OTOGL: variants seen among roughly 807,000 people sequenced by gnomAD.
OTOGL encodes the protein otogelin-like protein.
A neutral mutation model predicts 318.5 loss-of-function variants in OTOGL; 285 were observed. The observed-to-expected ratio is 0.89, with a 90% confidence interval of 0.81 to 0.99. The LOEUF is 0.99. Ranked by LOEUF, OTOGL falls within the 50% of genes least tolerant of loss-of-function variation. The pLI is 0.00. For missense variants in OTOGL, 2,899 were observed against 2,845.6 expected, an observed-to-expected ratio of 1.02 and a Z score of -0.43; for synonymous variants, 987 against 936.5, an observed-to-expected ratio of 1.05 and a Z score of -0.99.
intron 38 of OTOGL, 50 bp from the exon 39 acceptor site, chr12:80,335,913 A>C: frequency 7.0e-7 from 1 of 1,428,628 alleles, no homozygotes; most frequent in South Asian, 1.5e-5. Context: ...AAATCAATTA[A>C]AAACATTAGC....
At chr12:80,127,578 T>C (rs894090681) in intron 1 of OTOGL, among the ~76,000 whole-genome samples, 2 of 152,216 alleles carry the variant, frequency 1.3e-5, no homozygotes, top group African/African-American at 4.8e-5. Context: ...TGAATCTGAA[T>C]GTTGGCCTGC....
chr12:80,215,462 C>T (rs1388345471), intron 4 of OTOGL, among the ~76,000 whole-genome samples: 2 of 152,126 alleles, frequency 1.3e-5, no homozygotes, highest in African/African-American at 4.8e-5. Flanking sequence ...CCACCGCGCC[C>T]GGCCTGCATG....
At chr12:80,123,638 G>C (rs2137103628) in intron 1 of OTOGL, among the ~76,000 whole-genome samples, 1 of 152,244 alleles carries the variant, frequency 6.6e-6, no homozygotes, top group East Asian at 1.9e-4. Flanking sequence ...GGTTGAACTA[G>C]TTTATAGTCC....
intron 44 of OTOGL, among the ~76,000 whole-genome samples, chr12:80,342,977 G>A (rs1316155432): frequency 1.3e-5 from 2 of 152,086 alleles, no homozygotes; most frequent in Non-Finnish European, 2.9e-5. Context: ...TGCCTCCCAG[G>A]TTCAAGTGAT....
At chr12:80,252,683 AC>A (rs1881679755) in intron 13 of OTOGL, among the ~76,000 whole-genome samples, 1 of 152,162 alleles carries the variant, frequency 6.6e-6, no homozygotes, top group South Asian at 2.1e-4. Context: ...ATTTACTCAA[AC>A]CCTTTTTATT....
chr12:80,205,230 T>C (rs1440050865), intron 1 of OTOGL, among the ~76,000 whole-genome samples: 3 of 152,194 alleles, frequency 2.0e-5, no homozygotes, highest in Non-Finnish European at 4.4e-5. Context: ...TTGTAGTAGT[T>C]CAGAGAATGA....
At chr12:80,220,794 T>C (rs1878245503) in intron 6 of OTOGL, among the ~76,000 whole-genome samples, 1 of 152,060 alleles carries the variant, frequency 6.6e-6, no homozygotes, top group African/African-American at 2.4e-5. Flanking sequence ...GGCTGCAGTC[T>C]AGAGAAGGTG....
chr12:80,363,303 G>C (rs570850814), intron 52 of OTOGL, among the ~76,000 whole-genome samples: 1 of 152,312 alleles, frequency 6.6e-6, no homozygotes, highest in South Asian at 2.1e-4. Context: ...GATGGAAAGA[G>C]TCCTGTATAG....
intron 35 of OTOGL, among the ~76,000 whole-genome samples, chr12:80,324,918 A>G (rs953250973): frequency 1.3e-5 from 2 of 152,194 alleles, no homozygotes; most frequent in African/African-American, 4.8e-5. Flanking sequence ...AGTTCGGAGG[A>G]AAGGTCAGGA....
intron 1 of OTOGL, among the ~76,000 whole-genome samples, chr12:80,149,736 AC>A (rs1872654663): frequency 6.6e-6 from 1 of 152,142 alleles, no homozygotes; most frequent in South Asian, 2.1e-4. Context: ...TGGGCGTAGG[AC>A]CCTCCAAGCC....
chr12:80,234,979 T>C (rs1879705854), intron 9 of OTOGL, among the ~76,000 whole-genome samples: 1 of 152,152 alleles, frequency 6.6e-6, no homozygotes, highest in African/African-American at 2.4e-5. Flanking sequence ...AAATGGTGTT[T>C]TGCACCCAGT....
chr12:80,105,726 T>A (rs1869415809), intron 1 of OTOGL, among the ~76,000 whole-genome samples: 1 of 152,186 alleles, frequency 6.6e-6, no homozygotes, highest in African/African-American at 2.4e-5. Context: ...TACTCCCCTT[T>A]ACCCATTCAG....
At position 80,295,074 on chromosome 12, in the gene OTOGL, G is replaced by T. The variant is rs969686138; in HGVS notation, c.2929-1753G>T. On this transcript the variant is annotated intron_variant, in intron 26 of 58. Coordinates refer to ENST00000547103, the MANE Select transcript of OTOGL (RefSeq NM_001378609.3). ...TCATGCCACTGCGCTCCAGCAGCCT[G>T]GGTGACAGGGCAAGACCCCATCTGA... Among the ~76,000 whole-genome samples the T allele has an allele frequency of 2.0e-5, 3 of 151,540 alleles. No individual in the cohort carries two copies. In the South Asian group the frequency reaches 6.2e-4, roughly 31 times the overall value.
chr12:80,371,403 G>C (rs771272438), intron 56 of OTOGL, among the ~76,000 whole-genome samples: 6 of 151,720 alleles, frequency 4.0e-5, no homozygotes, highest in Non-Finnish European at 8.8e-5. Context: ...GATATAACAC[G>C]TACTAAAGTC....
At chr12:80,279,599 C>T (rs1456035958) in intron 26 of OTOGL, among the ~76,000 whole-genome samples, 2 of 148,166 alleles carry the variant, frequency 1.3e-5, no homozygotes, top group East Asian at 4.3e-4. Context: ...TCTCCAGCTG[C>T]ATCCATGTTG....
intron 1 of OTOGL, among the ~76,000 whole-genome samples, chr12:80,100,487 A>T (rs1165762866): frequency 1.3e-5 from 2 of 152,286 alleles, no homozygotes; most frequent in African/African-American, 4.8e-5. Context: ...AAATTAAAAA[A>T]TTTTTAAAAA....
chr12:80,320,702 T>A lies in OTOGL; in HGVS notation c.4081+2T>A. 6.3e-7 allele frequency: 1 copy of A among 1,589,584 alleles called. No homozygotes were observed. ...ATTCAAGTAGCTTCAGCATAGAAGG[T>A]ATGTTTCCTGAGATCTCCAAAAAGA... On this transcript the variant is annotated splice_donor_variant, in intron 34 of 58. Coordinates refer to ENST00000547103, the MANE Select transcript of OTOGL (RefSeq NM_001378609.3). LOFTEE classifies it high-confidence loss of function.
chr12:80,165,934 T>C (rs1295690203), intron 1 of OTOGL, among the ~76,000 whole-genome samples: 1 of 152,236 alleles, frequency 6.6e-6, no homozygotes, highest in African/African-American at 2.4e-5. Context: ...ATCTGTGTTC[T>C]GTCAGGACCC....
At chr12:80,210,387 A>G (rs759479139) in intron 2 of OTOGL, among the ~76,000 whole-genome samples, 11 of 152,160 alleles carry the variant, frequency 7.2e-5, no homozygotes, top group Non-Finnish European at 1.5e-4. Context: ...CTTAAGTATA[A>G]AAGACCACAG....
Sources: allele counts gnomAD v4.1 joint callset (sites outside exome capture counted in the v4.1 genomes callset), GRCh38; gene constraint gnomAD v4.1.1; transcripts MANE v1.5; gene names NCBI Gene and HGNC (gene_info 2026-07-23, HGNC 2026-07-21).